Variants in ASDURF observed in about 807,000 individuals in gnomAD.
ASDURF encodes the protein ASDURF protein.
In ASDURF, 3 loss-of-function variants were observed where a neutral mutation model predicts 3.3. The observed-to-expected ratio is 0.92, with a 90% CI of 0.42 to 2.37. ASDURF has a LOEUF of 2.37. ASDURF is among the 30% of genes most tolerant of loss of function. The pLI, the probability that ASDURF is intolerant of heterozygous loss-of-function variation, is 0.05. For missense variants in ASDURF, 23 were observed against 25.4 expected (o/e 0.90, Z 0.21); for synonymous variants, 11 against 8.3 (o/e 1.32, Z -0.55).
Position 189,663,935 on chromosome 2 carries a change from C to G in ASDURF, c.125C>G (p.Ser42Cys). ...KEQKIVVDELSNLKKNRKVYR... is the reference protein window; with the variant it reads ...KEQKIVVDELCNLKKNRKVYR... Reference sequence around the variant, plus strand: ...CAAAAAATTGTGGTGGATGAACTTTCTAACCTTAAGAAGAATAGGGTGAGT... The same window carrying G: ...CAAAAAATTGTGGTGGATGAACTTTGTAACCTTAAGAAGAATAGGGTGAGT... Residue 42 changes from serine (S) to cysteine (C), a missense_variant, in exon 2 of 4, where the codon TCT becomes TGT. Coordinates refer to ENST00000607829, the MANE Select transcript of ASDURF (RefSeq NM_001353493.2). 2.6e-6 allele frequency: 1 copy of G among 388,544 alleles called. No individual in the cohort carries two copies. Among genetic ancestry groups the G allele is most frequent in the Non-Finnish European group, 4.6e-6 (1 of 218,800 alleles). The allele number at this position is 388,544 out of a possible 1,614,324, so 24.1% of individuals were successfully genotyped here.
In ASDURF at chr2:189,663,897, A is replaced by G. The variant is rs977558614; in HGVS notation, c.91-4A>G. 39 of 387,518 alleles carry G rather than the reference A, an allele frequency of 1.0e-4. No homozygotes were observed. Among genetic ancestry groups the G allele is most frequent in the Non-Finnish European group, 1.5e-4 (33 of 218,230 alleles). The allele number at this position is 387,518 out of a possible 1,614,324, so 24.0% of individuals were successfully genotyped here. A position where few individuals can be genotyped will look rare whatever the true frequency, so the allele number is the denominator to read the frequency against. ...ACTTAAGGAGTTTTTCTTTATTTCA[A>G]TAGATTAAAGAACAAAAAATTGTGG... On this transcript the variant is annotated splice_polypyrimidine_tract_variant and splice_region_variant and intron_variant, in intron 1 of 3. Transcript: ENST00000607829.
At chr2:189,663,240 T>TA (rs944088732) in intron 1 of ASDURF, among the ~76,000 whole-genome samples, 35 of 145,320 alleles carry the variant, frequency 2.4e-4, no homozygotes, top group Non-Finnish European at 3.0e-4. Context: ...TATATATATA[T>TA]TTTTTAAATT....
rs1038949323 is a variant in ASDURF, at chr2:189,661,470, C to G, written c.-51C>G. 2 of 399,170 alleles carry G rather than the reference C, an allele frequency of 5.0e-6. No individual in the cohort carries two copies. Among genetic ancestry groups the G allele is most frequent in the Non-Finnish European group, 4.4e-6 (1 of 226,162 alleles). 24.7% of individuals were successfully genotyped at this position (399,170 alleles called of 1,614,324 possible). A position where few individuals can be genotyped will look rare whatever the true frequency, so the allele number is the denominator to read the frequency against. The stretch of plus-strand genomic sequence containing the variant: ...AGCGCGCATGCGCTGTGGCTAATGC[C>G]GTAGGCTCCTTCAGGGCTGAGCCAT... On this transcript the variant is annotated 5_prime_UTR_variant, in exon 1 of 4. Coordinates refer to ENST00000607829, the MANE Select transcript of ASDURF (RefSeq NM_001353493.2).
chr2:189,666,241 C>T lies in ASDURF; in HGVS notation c.*130C>T, dbSNP rs1442820434. ...ACAGCGGGGACCCAATAGTAGTAAACAATTGTTAAAGTCTGATGTTAACTA... is the reference window on the plus strand; with the variant it reads ...ACAGCGGGGACCCAATAGTAGTAAATAATTGTTAAAGTCTGATGTTAACTA... On this transcript the variant is annotated 3_prime_UTR_variant, in exon 4 of 4. Transcript: ENST00000607829. The T allele has an allele frequency of 6.2e-7, 1 of 1,613,914 alleles. No homozygotes were observed. The highest frequency in any genetic ancestry group is 2.2e-5 in the East Asian group (1 of 44,886).
chr2:189,665,285 A>T (rs996112699), intron 2 of ASDURF, 91 bp from the exon 3 acceptor site: 1 of 374,744 alleles, frequency 2.7e-6, no homozygotes, highest in Admixed American at 4.5e-5. Flanking sequence ...TACTGAATAG[A>T]TTTTCAAGAA....
rs1038949323 is a variant in ASDURF at position 189,661,470 on chromosome 2, C to T, written c.-51C>T. ...AGCGCGCATGCGCTGTGGCTAATGC[C>T]GTAGGCTCCTTCAGGGCTGAGCCAT... is the stretch of plus-strand genomic sequence containing the variant. On this transcript the variant is annotated 5_prime_UTR_variant, in exon 1 of 4. Transcript: ENST00000607829. 5.0e-6 allele frequency: 2 copies of T among 399,052 alleles called. No individual in the cohort carries two copies. Among genetic ancestry groups the T allele is most frequent in the Admixed American group, 4.4e-5 (1 of 22,716 alleles). The allele number at this position is 399,052 out of a possible 1,614,324, so 24.7% of individuals were successfully genotyped here.
At position 189,666,105 on chromosome 2, in the gene ASDURF, G is replaced by C; in HGVS notation, c.285G>C (p.Lys95Asn). 1.3e-6 allele frequency: 2 copies of C among 1,498,254 alleles called. No individual in the cohort carries two copies. Among genetic ancestry groups the C allele is most frequent in the Non-Finnish European group, 1.8e-6 (2 of 1,127,404 alleles). 92.8% of individuals were successfully genotyped at this position (1,498,254 alleles called of 1,614,324 possible). A position where few individuals can be genotyped will look rare whatever the true frequency, so the allele number is the denominator to read the frequency against. Residue 95 changes from lysine (K) to asparagine (N), a missense_variant, in exon 4 of 4, where the codon AAG (lysine) becomes AAC (asparagine). Transcript: ENST00000607829. ...AAAACTTAGACAAGACCAAAATCAA[G>C]AAATAGTCAACCTGATTTCACATAA... ...EIENLDKTKI[K>N]K is the part of the protein sequence containing the mutation.
At position 189,661,510 on chromosome 2, in the gene ASDURF, G is replaced by C; in HGVS notation, c.-11G>C. 2.5e-6 allele frequency: 1 copy of C among 399,210 alleles called. No homozygotes were observed. Among genetic ancestry groups the C allele is most frequent in the African/African-American group, 2.1e-5 (1 of 48,760 alleles). The allele number at this position is 399,210 out of a possible 1,614,324, so 24.7% of individuals were successfully genotyped here. A position where few individuals can be genotyped will look rare whatever the true frequency, so the allele number is the denominator to read the frequency against. ...GGCTGAGCCATCCCGCGTGTCTTGCGCTCGGTGGAAATGCCCAGCCGAGGG... is the reference window on the plus strand; with the variant it reads ...GGCTGAGCCATCCCGCGTGTCTTGCCCTCGGTGGAAATGCCCAGCCGAGGG... On this transcript the variant is annotated 5_prime_UTR_variant, in exon 1 of 4. Coordinates refer to ENST00000607829, the MANE Select transcript of ASDURF (RefSeq NM_001353493.2).
chr2:189,666,067 T>C lies in ASDURF; in HGVS notation c.247T>C (p.Tyr83His), dbSNP rs1234763735. 15 of 1,447,000 alleles carry C rather than the reference T, an allele frequency of 1.0e-5. No individual in the cohort carries two copies. In the East Asian group the frequency reaches 3.5e-4, roughly 34 times the overall value. The allele number at this position is 1,447,000 out of a possible 1,614,324, so 89.6% of individuals were successfully genotyped here. A position where few individuals can be genotyped will look rare whatever the true frequency, so the allele number is the denominator to read the frequency against. Residue 83 changes from tyrosine to histidine, a missense_variant, in exon 4 of 4, where the codon TAC becomes CAC. Tyr to His is a moderately conservative substitution (Grantham distance 83). Coordinates refer to ENST00000607829, the MANE Select transcript of ASDURF (RefSeq NM_001353493.2). Reference protein sequence around the residue: ...KNILDELKKEYQEIENLDKTK... With the variant: ...KNILDELKKEHQEIENLDKTK... ...TATATTGGATGAACTGAAAAAAGAA[T>C]ACCAAGAAATAGAAAACTTAGACAA...
intron 3 of ASDURF, 75 bp from the exon 4 acceptor site, chr2:189,665,966 T>A (rs1157802378): frequency 1.6e-6 from 1 of 630,378 alleles, no homozygotes. Flanking sequence ...ACAGCTTGTG[T>A]TGCCCTCTGA....
At chr2:189,664,241 C>T (rs2032736442) in intron 2 of ASDURF, among the ~76,000 whole-genome samples, 1 of 151,932 alleles carries the variant, frequency 6.6e-6, no homozygotes, top group Admixed American at 6.6e-5. Flanking sequence ...TGTTTTATAC[C>T]TGAATTTGAT....
intron 1 of ASDURF, among the ~76,000 whole-genome samples, chr2:189,663,237 A>T (rs28543051): frequency 3.2e-5 from 4 of 125,626 alleles, no homozygotes; most frequent in African/African-American, 1.2e-4. Context: ...TCATATATAT[A>T]TATTTTTTAA....
At chr2:189,664,798 G>A (rs1271400988) in intron 2 of ASDURF, among the ~76,000 whole-genome samples, 1 of 146,110 alleles carries the variant, frequency 6.8e-6, no homozygotes, top group African/African-American at 2.5e-5. Context: ...TTCTCTAGAG[G>A]GCAAATTGGC....
intron 2 of ASDURF, among the ~76,000 whole-genome samples, chr2:189,664,746 CA>C (rs545748114): frequency 1.7e-3 from 213 of 122,900 alleles, no homozygotes; most frequent in Admixed American, 2.2e-3. Flanking sequence ...GACTCCTTCT[CA>C]AAAAAAAAAA....
Position 189,666,048 on chromosome 2 carries a change from G to A in ASDURF, c.228G>A (p.Leu76=), listed in dbSNP as rs762882653. 23 of 1,382,094 alleles carry A rather than the reference G, an allele frequency of 1.7e-5. No homozygotes were observed. In the African/African-American group the frequency reaches 3.3e-4, roughly 20 times the overall value. The allele number at this position is 1,382,094 out of a possible 1,614,324, so 85.6% of individuals were successfully genotyped here. A position where few individuals can be genotyped will look rare whatever the true frequency, so the allele number is the denominator to read the frequency against. The change falls in exon 4 of 4, where the codon TTG becomes TTA. Residue 76 remains leucine, a synonymous_variant. Transcript: ENST00000607829. ...TEMLSESKNI[L]DELKKEYQEI... ...TCTCCTTCCCTGCAACAGATATATT[G>A]GATGAACTGAAAAAAGAATACCAAG...
At chr2:189,663,849 TGA>T (rs2032727992) in intron 1 of ASDURF, 50 bp from the exon 2 acceptor site, 2 of 376,448 alleles carry the variant, frequency 5.3e-6, no homozygotes, top group Middle Eastern at 6.9e-4. Context: ...GGATTTTCAT[TGA>T]GCATACTTTG....
rs1380064788 is a variant in ASDURF, at chr2:189,665,606, A to ATGTG, written c.220+156_220+157insGTGT. On this transcript the variant is annotated intron_variant, in intron 3 of 3. Transcript: ENST00000607829. Reference sequence around the variant, plus strand: ...CAGTTATATATATATGTGTATATATATATATATATATATATATATATATAT... The same window carrying ATGTG: ...CAGTTATATATATATGTGTATATATATGTGTATATATATATATATATATATATAT... Among the ~76,000 whole-genome samples, 10 of 9,064 alleles carry ATGTG rather than the reference A, an allele frequency of 1.1e-3. 1 individual carries two copies. Among genetic ancestry groups the ATGTG allele is most frequent in the Non-Finnish European group, 2.9e-3 (8 of 2,722 alleles). 5.9% of individuals were successfully genotyped at this position (9,064 alleles called of 152,430 possible). A position where few individuals can be genotyped will look rare whatever the true frequency, so the allele number is the denominator to read the frequency against.
chr2:189,665,614 A>ATACATATATATATATG (rs1559034445), intron 3 of ASDURF, among the ~76,000 whole-genome samples, 163 bp downstream of exon 3: 18 of 95,636 alleles, frequency 1.9e-4, no homozygotes, highest in African/African-American at 7.3e-4. Flanking sequence ...ATATATATAT[A>ATACATATATATATATG]TATATATATA....
In ASDURF at chr2:189,661,469, C is replaced by T. The variant is rs756327256; in HGVS notation, c.-52C>T. ...AAGCGCGCATGCGCTGTGGCTAATG[C>T]CGTAGGCTCCTTCAGGGCTGAGCCA... On this transcript the variant is annotated 5_prime_UTR_variant, in exon 1 of 4. Coordinates refer to ENST00000607829, the MANE Select transcript of ASDURF (RefSeq NM_001353493.2). The T allele has an allele frequency of 1.0e-5, 4 of 399,074 alleles. No individual in the cohort carries two copies. Among genetic ancestry groups the T allele is most frequent in the South Asian group, 1.3e-4 (1 of 7,866 alleles). 24.7% of individuals were successfully genotyped at this position (399,074 alleles called of 1,614,324 possible). A position where few individuals can be genotyped will look rare whatever the true frequency, so the allele number is the denominator to read the frequency against.
Sources: allele counts gnomAD v4.1 joint callset (sites outside exome capture counted in the v4.1 genomes callset), GRCh38; gene constraint gnomAD v4.1.1; transcripts MANE v1.5; gene names NCBI Gene and HGNC (gene_info 2026-07-23, HGNC 2026-07-21).